Variants in MED24 observed in about 807,000 individuals in gnomAD.
MED24 encodes the protein mediator complex subunit 24.
MED24 carries 74 observed loss-of-function variants against 118.8 expected under a neutral mutation model. That is an observed-to-expected ratio of 0.62 (90% CI 0.52 to 0.76). MED24 has a LOEUF of 0.76. Among genes scored for constraint, MED24 ranks in the 30% least tolerant of loss-of-function variants. The pLI is 0.00. For missense variants in MED24, 1,041 were observed against 1,278.9 expected (o/e 0.81, Z 2.84); for synonymous variants, 521 against 523.9 (o/e 0.99, Z 0.08).
chr17:40,038,539 C>T (rs935525702), intron 3 of MED24, among the ~76,000 whole-genome samples: 1 of 151,904 alleles, frequency 6.6e-6, no homozygotes, highest in Non-Finnish European at 1.5e-5. Flanking sequence ...GGTGAAACCC[C>T]GTCTCTGCTA....
intron 3 of MED24, among the ~76,000 whole-genome samples, chr17:40,047,872 G>A (rs188597080): frequency 6.6e-4 from 100 of 152,098 alleles, no homozygotes; most frequent in African/African-American, 2.4e-3. Context: ...TGGGATTACA[G>A]ACGCCCACCA....
chr17:40,033,531 T>C lies in MED24; in HGVS notation c.560-75A>G, dbSNP rs1449352925. 8 of 1,267,524 alleles carry C rather than the reference T, an allele frequency of 6.3e-6. No homozygotes were observed. Among genetic ancestry groups the C allele is most frequent in the Non-Finnish European group, 7.8e-6 (7 of 894,232 alleles). The allele number at this position is 1,267,524 out of a possible 1,614,324, so 78.5% of individuals were successfully genotyped here. ...GAGCACCTGGCCCTGAACTCCTCGA[T>C]TTTGGCACTCCCTCCGGCACACGAA... On this transcript the variant is annotated intron_variant, in intron 6 of 25. Coordinates refer to ENST00000394128, the MANE Select transcript of MED24 (RefSeq NM_014815.4). The surrounding 1 kb of genome is among the most constrained non-coding windows in gnomAD (Gnocchi z 5.2).
At chr17:40,035,000 G>A in intron 6 of MED24, 117 bp downstream of exon 6, 1 of 1,612,914 alleles carries the variant, frequency 6.2e-7, no homozygotes, top group Non-Finnish European at 8.5e-7. Context: ...AAGGAAGTGG[G>A]ATGGTTTCAG....
rs777449008 is a variant in MED24, at chr17:40,031,598, C to G, written c.1007G>C (p.Cys336Ser). 6.2e-7 allele frequency: 1 copy of G among 1,614,184 alleles called. No individual in the cohort carries two copies. The highest frequency in any genetic ancestry group is 8.5e-7 in the Non-Finnish European group (1 of 1,180,010). ...GAGCTTCAGCAGGAACTCAAAAGCA[C>G]AGTTGACATCCTCAGTGAAGTCCTA... ...GDKDFTEDVN[C>S]AFEFLLKLTP... Residue 336 changes from cysteine to serine, a missense_variant, in exon 11 of 26, where the codon TGT (cysteine) becomes TCT (serine). Transcript: ENST00000394128.
rs1310757693 is a variant in MED24 at position 40,027,380 on chromosome 17, C to G, written c.1530+3G>C. 6.2e-7 allele frequency: 1 copy of G among 1,612,544 alleles called. No homozygotes were observed. The highest frequency in any genetic ancestry group is 8.5e-7 in the Non-Finnish European group (1 of 1,179,512). On this transcript the variant is annotated splice_donor_region_variant and intron_variant, in intron 16 of 25. Coordinates refer to ENST00000394128, the MANE Select transcript of MED24 (RefSeq NM_014815.4). ...CCCCGTCCCGGTCGCTCCCCTCTCT[C>G]ACCTCTGAACCATAGGTCTGGGCCA...
At chr17:40,049,876 G>A (rs561606722) in intron 3 of MED24, among the ~76,000 whole-genome samples, 10 of 151,826 alleles carry the variant, frequency 6.6e-5, no homozygotes, top group South Asian at 6.2e-4. Context: ...CAGGCTGGGC[G>A]TGGTGGCTCA....
intron 8 of MED24, 118 bp downstream of exon 8, chr17:40,032,930 CACCCACTT>C: frequency 7.0e-7 from 1 of 1,418,790 alleles, no homozygotes; most frequent in South Asian, 1.3e-5. Context: ...GCACGACTGG[CACCCACTT>C]TCCATCATGG....
At chr17:40,032,974 G>A in intron 8 of MED24, 82 bp downstream of exon 8, 1 of 1,568,794 alleles carries the variant, frequency 6.4e-7, no homozygotes, top group Non-Finnish European at 8.7e-7. Context: ...ACTTCTCCCA[G>A]GGAGAACCAG....
At chr17:40,023,094 G>A in intron 20 of MED24, 37 bp downstream of exon 20, 7 of 1,591,582 alleles carry the variant, frequency 4.4e-6, no homozygotes, top group Non-Finnish European at 6.0e-6. Context: ...CAGGGGACAG[G>A]ACCCATGTCG....
rs376224270 is a variant in MED24, at chr17:40,026,081, G to A, written c.1985+75C>T. On this transcript the variant is annotated intron_variant, in intron 19 of 25. Coordinates refer to ENST00000394128, the MANE Select transcript of MED24 (RefSeq NM_014815.4). ...TGTTTGCGAAGGTCAGAAAAGAGAG[G>A]GGTGCTTGTTATTGGATGTGCTGAC... 7 of 1,464,358 alleles carry A rather than the reference G, an allele frequency of 4.8e-6. No individual in the cohort carries two copies. The Admixed American group carries it at 7.5e-5, about 16-fold the overall frequency. 90.7% of individuals were successfully genotyped at this position (1,464,358 alleles called of 1,614,324 possible).
At chr17:40,022,915 A>G in intron 20 of MED24, 89 bp from the exon 21 acceptor site, 1 of 1,489,124 alleles carries the variant, frequency 6.7e-7, no homozygotes. Context: ...GCTGTCCAGT[A>G]AGGCCCGCAG....
intron 3 of MED24, among the ~76,000 whole-genome samples, chr17:40,046,225 T>A (rs1432031778): frequency 6.9e-6 from 1 of 145,478 alleles, no homozygotes; most frequent in East Asian, 2.2e-4. Flanking sequence ...GCTGGGACTA[T>A]AGGCACCCGC....
At position 40,035,643 on chromosome 17, in the gene MED24, C is replaced by A. The variant is rs1301637853; in HGVS notation, c.326+79G>T. 1.3e-5 allele frequency: 19 copies of A among 1,494,942 alleles called. No homozygotes were observed. The Middle Eastern group carries it at 5.2e-4, about 41-fold the overall frequency. The allele number at this position is 1,494,942 out of a possible 1,614,324, so 92.6% of individuals were successfully genotyped here. ...GTTGGAACCCGGAGTTGGTCTCGGT[C>A]TGTGTGCTAGGAGCTGCACCTCTGC... On this transcript the variant is annotated intron_variant, in intron 5 of 25. Coordinates refer to ENST00000394128, the MANE Select transcript of MED24 (RefSeq NM_014815.4).
At chr17:40,048,423 G>C (rs1295031542) in intron 3 of MED24, among the ~76,000 whole-genome samples, 2 of 152,146 alleles carry the variant, frequency 1.3e-5, no homozygotes, top group African/African-American at 4.8e-5. Context: ...ATTATTAAAT[G>C]CATCAACAAC....
intron 10 of MED24, 67 bp downstream of exon 10, chr17:40,031,976 G>A: frequency 6.5e-7 from 1 of 1,536,998 alleles, no homozygotes; most frequent in South Asian, 1.1e-5. Context: ...GCCCAGCTGG[G>A]GCCTGAAGGA....
Position 40,027,452 on chromosome 17 carries a change from G to T in MED24, c.1461C>A (p.Ser487=). The T allele has an allele frequency of 6.2e-7, 1 of 1,612,252 alleles. No individual in the cohort carries two copies. Among genetic ancestry groups the T allele is most frequent in the Non-Finnish European group, 8.5e-7 (1 of 1,179,112 alleles). The change falls in exon 16 of 26, where the codon TCC becomes TCA. Residue 487 remains serine (S), a synonymous_variant. Coordinates refer to ENST00000394128, the MANE Select transcript of MED24 (RefSeq NM_014815.4). ...YGSEESTKPA[S]VRALLFDISF... is the part of the protein sequence containing the mutation. ...AGATGTCAAACAGCAGGGCCCGGAC[G>T]GAGGCCGGTTTGGCTGTGGAAGGAC...
rs1477127026 is a variant in MED24 at position 40,032,059 on chromosome 17, T to G, written c.968A>C (p.Tyr323Ser). The stretch of plus-strand genomic sequence containing the variant: ...CCAACTCACCTTGTCTCCATGAGAG[T>G]ACTTCTTCAACTTCACCAAAACCTG... ...IPQVLVKLKK[Y>S]SHGDKDFTED... The change falls in exon 10 of 26, where the codon TAC becomes TCC. Residue 323 changes from tyrosine (Y) to serine (S), a missense_variant. Physicochemically the swap from Tyr to Ser is moderately radical, Grantham distance 144 (BLOSUM62 -2). Around this residue, in one of 3 missense-constraint regions of MED24, gnomAD observed 434 missense variants for 514.9 expected, o/e 0.84. Transcript: ENST00000394128. 6.2e-7 allele frequency: 1 copy of G among 1,613,554 alleles called. No homozygotes were observed.
chr17:40,031,381 G>T (rs536867110), intron 11 of MED24, 136 bp from the exon 12 acceptor site: 299 of 1,206,418 alleles, frequency 2.5e-4, no homozygotes, highest in Non-Finnish European at 2.8e-4. Context: ...CGGTAGAGGG[G>T]CTCTGGGGAC....
chr17:40,038,399 G>A (rs1458040178), intron 3 of MED24, among the ~76,000 whole-genome samples: 1 of 151,962 alleles, frequency 6.6e-6, no homozygotes, highest in African/African-American at 2.4e-5. Flanking sequence ...TGGAGGAGTG[G>A]AAGCCTCCAA....
Sources: allele counts gnomAD v4.1 joint callset (sites outside exome capture counted in the v4.1 genomes callset), GRCh38; gene constraint gnomAD v4.1.1; regional missense constraint gnomAD v4.1.1; non-coding constraint Gnocchi (gnomAD v3.1); transcripts MANE v1.5; gene names NCBI Gene and HGNC (gene_info 2026-07-23, HGNC 2026-07-21).